Variants in CR2 observed in about 807,000 individuals in gnomAD.
CR2 encodes the protein complement C3d receptor 2.
A neutral mutation model predicts 123.0 loss-of-function variants in CR2; 96 were observed. The ratio of observed to expected loss-of-function variants is 0.78; its 90% CI spans 0.66 to 0.93. CR2 has a LOEUF of 0.93. CR2 is among the 40% of genes least tolerant of loss of function. The pLI, the probability that CR2 is intolerant of heterozygous loss-of-function variation, is 0.00. For synonymous variants in CR2, 484 were observed against 469.5 expected, an observed-to-expected ratio of 1.03 and a Z score of -0.40; for missense variants, 1,258 against 1,361.0, an observed-to-expected ratio of 0.92 and a Z score of 1.19.
At chr1:207,476,999 G>A (rs1658459414) in intron 15 of CR2, among the ~76,000 whole-genome samples, 2 of 152,152 alleles carry the variant, frequency 1.3e-5, no homozygotes, top group South Asian at 4.1e-4. Context: ...GATTATCCCT[G>A]TTTTATAGAT....
At chr1:207,469,302 T>A in intron 5 of CR2, 70 bp downstream of exon 5, 1 of 1,140,780 alleles carries the variant, frequency 8.8e-7, no homozygotes, top group Non-Finnish European at 1.3e-6. Flanking sequence ...GTTCAGTCAT[T>A]ACCTTACAGA....
chr1:207,486,525 T>A (rs986807488), intron 19 of CR2, among the ~76,000 whole-genome samples: 66 of 150,992 alleles, frequency 4.4e-4, no homozygotes, highest in African/African-American at 1.5e-3. Context: ...TGGTTTTTAT[T>A]TGGAAGCTTT....
chr1:207,488,263 A>C (rs1170229212), intron 19 of CR2, among the ~76,000 whole-genome samples: 1 of 152,242 alleles, frequency 6.6e-6, no homozygotes. Context: ...TCTCAGGGTC[A>C]ATCATTGGCA....
chr1:207,482,487 C>T (rs775702638), intron 18 of CR2, among the ~76,000 whole-genome samples: 6 of 152,090 alleles, frequency 3.9e-5, no homozygotes, highest in South Asian at 2.1e-4. Flanking sequence ...GGAATGACCA[C>T]GTCCATCCAT....
intron 15 of CR2, among the ~76,000 whole-genome samples, chr1:207,477,350 C>T (rs1021892059): frequency 6.6e-6 from 1 of 152,202 alleles, no homozygotes; most frequent in African/African-American, 2.4e-5. Flanking sequence ...CACAGGAAAC[C>T]CCACCCCCAT....
intron 19 of CR2, among the ~76,000 whole-genome samples, chr1:207,486,068 TA>T (rs1658740117): frequency 6.6e-6 from 1 of 151,362 alleles, no homozygotes; most frequent in South Asian, 2.1e-4. Context: ...CTGTCTCTAC[TA>T]AAAATACAAA....
chr1:207,483,506 GA>G (rs1184513331), intron 18 of CR2, among the ~76,000 whole-genome samples: 2 of 151,292 alleles, frequency 1.3e-5, no homozygotes, highest in Non-Finnish European at 2.9e-5. Context: ...AATGACTTCA[GA>G]AAAAAAGGGT....
At chr1:207,469,091 G>T in intron 4 of CR2, 59 bp from the exon 5 acceptor site, 1 of 1,458,186 alleles carries the variant, frequency 6.9e-7, no homozygotes, top group Non-Finnish European at 9.6e-7. Context: ...GTAAGTAGAG[G>T]CTGCTGTTCT....
At position 207,470,749 on chromosome 1, in the gene CR2, C is replaced by A; in HGVS notation, c.1235C>A (p.Ala412Asp). Residue 412 changes from alanine to aspartate, a missense_variant, in exon 7 of 20, where the codon GCC (alanine) becomes GAC (aspartate). Physicochemically the swap from Ala to Asp is moderately radical, Grantham distance 126. Coordinates refer to ENST00000367057, the MANE Select transcript of CR2 (RefSeq NM_001006658.3). ...TTGTCCTTTCATTTAGAATGCCAGG[C>A]CCCTCCTAACATCCTCAATGGGCAA... ...SAPVCEKECQ[A>D]PPNILNGQKE... The A allele has an allele frequency of 6.2e-7, 1 of 1,613,726 alleles. No homozygotes were observed. The highest frequency in any genetic ancestry group is 8.5e-7 in the Non-Finnish European group (1 of 1,179,754).
At position 207,470,861 on chromosome 1, in the gene CR2, A is replaced by G. The variant is rs760851517; in HGVS notation, c.1347A>G (p.Glu449=). The change falls in exon 7 of 20, where the codon GAA becomes GAG. Residue 449 remains glutamate, a synonymous_variant. Transcript: ENST00000367057. ...CNPGYVLVGE[E]SIQCTSEGVW... ...CTGGCTATGTGCTGGTGGGAGAAGA[A>G]TCCATACAGTGTACCTCTGAGGGGG... 6.2e-7 allele frequency: 1 copy of G among 1,613,944 alleles called. No homozygotes were observed. The highest frequency in any genetic ancestry group is 1.7e-5 in the Admixed American group (1 of 59,982).
intron 1 of CR2, among the ~76,000 whole-genome samples, chr1:207,465,387 A>G (rs559071689): frequency 7.1e-6 from 1 of 139,898 alleles, no homozygotes; most frequent in East Asian, 2.2e-4. Context: ...ACCAAAGTCA[A>G]TGATTAGAGA....
At chr1:207,475,346 A>T (rs1558194439) in intron 14 of CR2, 130 bp downstream of exon 14, 1 of 1,007,800 alleles carries the variant, frequency 9.9e-7, no homozygotes. Context: ...GTTTTACAAG[A>T]TATTTGCCTT....
chr1:207,462,079 C>A (rs1657980117), intron 1 of CR2, among the ~76,000 whole-genome samples: 1 of 152,186 alleles, frequency 6.6e-6, no homozygotes, highest in South Asian at 2.1e-4. Context: ...GTTAATATTA[C>A]CTCATCCTCA....
intron 15 of CR2, 39 bp from the exon 16 acceptor site, chr1:207,477,846 A>G (rs1399420983): frequency 1.2e-6 from 2 of 1,603,870 alleles, no homozygotes; most frequent in African/African-American, 1.3e-5. Flanking sequence ...TAAAAGGCCA[A>G]AATATGACTG....
chr1:207,469,919 G>A lies in CR2; in HGVS notation c.1042G>A (p.Ala348Thr). The change falls in exon 6 of 20, where the codon GCG (alanine) becomes ACG (threonine). Residue 348 changes from alanine (A) to threonine (T), a missense_variant. Coordinates refer to ENST00000367057, the MANE Select transcript of CR2 (RefSeq NM_001006658.3). ...CCCACGCTGTGAACTTTCTACTTCT[G>A]CGGTTCAGTGTCCACATCCCCAGAT... Reference protein sequence around the residue: ...PAPRCELSTSAVQCPHPQILR... With the variant: ...PAPRCELSTSTVQCPHPQILR... 6.2e-7 allele frequency: 1 copy of A among 1,614,002 alleles called. No individual in the cohort carries two copies. Among genetic ancestry groups the A allele is most frequent in the Middle Eastern group, 1.7e-4 (1 of 6,056 alleles).
At chr1:207,478,698 T>C (rs753969703) in intron 16 of CR2, among the ~76,000 whole-genome samples, 1 of 152,120 alleles carries the variant, frequency 6.6e-6, no homozygotes, top group Non-Finnish European at 1.5e-5. Flanking sequence ...TGAAAGGAGT[T>C]GCTGCATAGA....
chr1:207,487,642 T>A (rs1040881376), intron 19 of CR2, among the ~76,000 whole-genome samples: 1 of 152,202 alleles, frequency 6.6e-6, no homozygotes, highest in Non-Finnish European at 1.5e-5. Flanking sequence ...ACAGAAATAT[T>A]TTTTAAGATT....
rs753140666 is a variant in CR2 at position 207,475,033 on chromosome 1, A to T, written c.2533A>T (p.Thr845Ser). Reference protein sequence around the residue: ...SPQCLRSPPVTRCPNPEVKHG... With the variant: ...SPQCLRSPPVSRCPNPEVKHG... ...ACAGTGCTTACGATCTCCTCCTGTG[A>T]CTCGCTGCCCTAATCCAGAAGTCAA... The change falls in exon 14 of 20, where the codon ACT (threonine) becomes TCT (serine). Residue 845 changes from threonine (T) to serine (S), a missense_variant. Thr to Ser is a moderately conservative substitution (Grantham distance 58). Transcript: ENST00000367057. The T allele has an allele frequency of 6.2e-7, 1 of 1,614,030 alleles. No individual in the cohort carries two copies. The highest frequency in any genetic ancestry group is 1.1e-5 in the South Asian group (1 of 91,082).
chr1:207,455,304 CT>C (rs1297714287), intron 1 of CR2, among the ~76,000 whole-genome samples: 1 of 152,204 alleles, frequency 6.6e-6, no homozygotes, highest in Non-Finnish European at 1.5e-5. Context: ...AACTGGGTGA[CT>C]TTTGGCAAGT....
Sources: allele counts gnomAD v4.1 joint callset (sites outside exome capture counted in the v4.1 genomes callset), GRCh38; gene constraint gnomAD v4.1.1; transcripts MANE v1.5; gene names NCBI Gene and HGNC (gene_info 2026-07-23, HGNC 2026-07-21).